Variants in RAP1GDS1 observed in about 807,000 individuals in gnomAD.
RAP1GDS1 encodes Rap1 GTPase-GDP dissociation stimulator 1.
A neutral mutation model predicts 71.1 loss-of-function variants in RAP1GDS1; 35 were observed. The observed-to-expected ratio is 0.49, with a 90% CI of 0.38 to 0.65. The LOEUF (loss-of-function observed/expected upper bound fraction) is 0.65, where lower values mean the gene tolerates loss of function less well. RAP1GDS1 is among the 30% of genes least tolerant of loss of function. The pLI, the probability that RAP1GDS1 is intolerant of heterozygous loss-of-function variation, is 0.00. For synonymous variants in RAP1GDS1, 229 were observed against 243.1 expected, an observed-to-expected ratio of 0.94 and a Z score of 0.54; for missense variants, 663 against 706.1, an observed-to-expected ratio of 0.94 and a Z score of 0.69.
At chr4:98,312,627 T>C (rs1730393689) in intron 2 of RAP1GDS1, among the ~76,000 whole-genome samples, 2 of 152,154 alleles carry the variant, frequency 1.3e-5, no homozygotes, top group Admixed American at 6.5e-5. Context: ...TCCTCTTTTC[T>C]AGGAGCAGTG....
chr4:98,388,648 C>G (rs1361394792), intron 5 of RAP1GDS1, among the ~76,000 whole-genome samples: 1 of 152,076 alleles, frequency 6.6e-6, no homozygotes, highest in East Asian at 1.9e-4. Flanking sequence ...AGTGCTTGAC[C>G]CTGGGAGGCG....
chr4:98,366,610 G>T (rs534810805), intron 4 of RAP1GDS1, among the ~76,000 whole-genome samples: 1 of 152,262 alleles, frequency 6.6e-6, no homozygotes, highest in South Asian at 2.1e-4. Context: ...GGCTTGAATG[G>T]CTTTGCCCAA....
At chr4:98,421,445 A>G (rs779036589) in intron 12 of RAP1GDS1, 51 bp downstream of exon 12, 10 of 1,495,942 alleles carry the variant, frequency 6.7e-6, no homozygotes, top group Non-Finnish European at 9.0e-6. Context: ...TGTCTTTTTC[A>G]GAAACCCAGC....
At chr4:98,403,928 G>T (rs754737442) in intron 6 of RAP1GDS1, among the ~76,000 whole-genome samples, 1 of 152,070 alleles carries the variant, frequency 6.6e-6, no homozygotes, top group Non-Finnish European at 1.5e-5. Context: ...TGATAGAGGT[G>T]GACTAGGGGG....
chr4:98,367,706 T>C (rs1452842009), intron 4 of RAP1GDS1, among the ~76,000 whole-genome samples: 1 of 152,212 alleles, frequency 6.6e-6, no homozygotes. Flanking sequence ...TTTGAAGCTT[T>C]AAGATTTGAC....
chr4:98,425,368 A>G (rs1490123287), intron 12 of RAP1GDS1, among the ~76,000 whole-genome samples: 3 of 152,236 alleles, frequency 2.0e-5, no homozygotes, highest in Non-Finnish European at 4.4e-5. Context: ...AGCATGATGA[A>G]TGGAATAGTA....
intron 1 of RAP1GDS1, among the ~76,000 whole-genome samples, chr4:98,263,088 C>T (rs1282942933): frequency 1.3e-5 from 2 of 152,060 alleles, no homozygotes; most frequent in African/African-American, 4.8e-5. Context: ...TGTATATTTC[C>T]GTCGAACATA....
intron 2 of RAP1GDS1, among the ~76,000 whole-genome samples, chr4:98,320,938 T>A (rs1478071230): frequency 8.8e-6 from 1 of 113,000 alleles, no homozygotes; most frequent in Non-Finnish European, 1.8e-5. Context: ...TTTGACGAGC[T>A]GAGAGAAGAA....
chr4:98,306,860 G>C (rs1471708416), intron 2 of RAP1GDS1, among the ~76,000 whole-genome samples: 1 of 152,004 alleles, frequency 6.6e-6, no homozygotes, highest in Non-Finnish European at 1.5e-5. Context: ...TCGTCTAAAT[G>C]CTTTCATTTT....
chr4:98,280,915 G>A (rs1392249019), intron 1 of RAP1GDS1, among the ~76,000 whole-genome samples: 1 of 152,168 alleles, frequency 6.6e-6, no homozygotes, highest in African/African-American at 2.4e-5. Flanking sequence ...AGATCAGATG[G>A]TTGTAGATGT....
intron 4 of RAP1GDS1, among the ~76,000 whole-genome samples, chr4:98,361,109 AT>A (rs1738678760): frequency 6.6e-6 from 1 of 150,924 alleles, no homozygotes; most frequent in South Asian, 2.1e-4. Context: ...AATAATTTAC[AT>A]TTTTCCTGCT....
At chr4:98,367,607 A>G (rs981875479) in intron 4 of RAP1GDS1, among the ~76,000 whole-genome samples, 1 of 152,198 alleles carries the variant, frequency 6.6e-6, no homozygotes, top group Non-Finnish European at 1.5e-5. Flanking sequence ...TACCCTGCAA[A>G]CAAGAGGGCA....
intron 1 of RAP1GDS1, among the ~76,000 whole-genome samples, chr4:98,279,270 A>G (rs922587530): frequency 2.6e-5 from 4 of 152,062 alleles, no homozygotes; most frequent in African/African-American, 4.8e-5. Flanking sequence ...TAGGGCCACT[A>G]TATTTTTTCT....
intron 2 of RAP1GDS1, among the ~76,000 whole-genome samples, chr4:98,298,616 G>T (rs911445810): frequency 3.3e-5 from 5 of 152,076 alleles, no homozygotes; most frequent in African/African-American, 1.2e-4. Flanking sequence ...GAGACATACT[G>T]CTCAGAAAAA....
At chr4:98,394,294 A>T (rs1051306192) in intron 6 of RAP1GDS1, among the ~76,000 whole-genome samples, 6 of 152,180 alleles carry the variant, frequency 3.9e-5, no homozygotes, top group African/African-American at 1.4e-4. Flanking sequence ...TGTTACCCCA[A>T]GAAATAGTCA....
intron 2 of RAP1GDS1, among the ~76,000 whole-genome samples, chr4:98,339,059 G>A (rs1183030999): frequency 6.6e-6 from 1 of 152,142 alleles, no homozygotes; most frequent in African/African-American, 2.4e-5. Context: ...ATTTGTGTGA[G>A]TTGTGCTTTA....
At chr4:98,364,028 TC>T (rs1264530664) in intron 4 of RAP1GDS1, among the ~76,000 whole-genome samples, 2 of 152,136 alleles carry the variant, frequency 1.3e-5, no homozygotes, top group Admixed American at 6.5e-5. Flanking sequence ...TCTGGGTTTT[TC>T]CGTCATTGCT....
At chr4:98,410,909 T>G (rs1308277528) in intron 7 of RAP1GDS1, among the ~76,000 whole-genome samples, 1 of 152,198 alleles carries the variant, frequency 6.6e-6, no homozygotes, top group Non-Finnish European at 1.5e-5. Context: ...GGGTTTGTTA[T>G]CAGAAACAGA....
intron 2 of RAP1GDS1, among the ~76,000 whole-genome samples, chr4:98,323,887 A>G (rs139215182): frequency 2.7e-4 from 38 of 141,442 alleles, no homozygotes; most frequent in East Asian, 4.4e-4. Context: ...CTCTCTCACC[A>G]CTCCTATTCA....
Sources: gnomAD v4.1 joint callset for allele counts (sites outside exome capture counted in the v4.1 genomes callset) on GRCh38, gnomAD v4.1.1 for gene constraint, MANE v1.5 for transcripts, NCBI Gene and HGNC (gene_info 2026-07-23, HGNC 2026-07-21) for gene names.